Variants in CSMD1 observed in about 807,000 individuals in gnomAD.
CSMD1 encodes the protein CUB and Sushi multiple domains 1, also known as CUB and sushi domain-containing protein 1.
A neutral mutation model predicts 417.5 loss-of-function variants in CSMD1; 213 were observed. The ratio of observed to expected loss-of-function variants is 0.51; its 90% confidence interval spans 0.46 to 0.57. The LOEUF (loss-of-function observed/expected upper bound fraction) is 0.57, where lower values mean the gene tolerates loss of function less well. Ranked by LOEUF, CSMD1 falls within the 20% of genes least tolerant of loss-of-function variation. CSMD1 has a pLI of 0.00. For missense variants in CSMD1, 6,923 were observed against 4,529.7 expected, an observed-to-expected ratio of 1.53 and a Z score of -15.17; for synonymous variants, 2,862 against 1,736.8, an observed-to-expected ratio of 1.65 and a Z score of -16.11.
rs1404819657 is a variant in CSMD1, at chr8:3,387,724, G to C, written c.2594-42C>G. 21 of 1,512,524 alleles carry C rather than the reference G, an allele frequency of 1.4e-5. 1 individual carries two copies. Among genetic ancestry groups the C allele is most frequent in the Non-Finnish European group, 1.9e-5 (21 of 1,116,346 alleles). The allele number at this position is 1,512,524 out of a possible 1,614,324, so 93.7% of individuals were successfully genotyped here. On this transcript the variant is annotated intron_variant, in intron 17 of 69. Coordinates refer to ENST00000635120, the MANE Select transcript of CSMD1 (RefSeq NM_033225.6). ...AATGCAGTCGATGAGGATCTTTCTGGTTGATTGAAAATAATAGAGACCCAC... is the reference window on the plus strand; with the variant it reads ...AATGCAGTCGATGAGGATCTTTCTGCTTGATTGAAAATAATAGAGACCCAC...
rs1443588864 is a variant in CSMD1 at position 2,965,862 on chromosome 8, G to A, written c.9193C>T (p.Pro3065Ser). ...GTGACTGCTTCCATGACATAGCCTG[G>A]GTTACACTGATAGCTCACAGTCTTG... ...FNKTVSYQCN[P>S]GYVMEAVTSA... Residue 3065 changes from proline to serine, a missense_variant, in exon 59 of 70, where the codon CCA (proline) becomes TCA (serine). Physicochemically the swap from Pro to Ser is moderately conservative, Grantham distance 74. Transcript: ENST00000635120. 1.9e-6 allele frequency: 3 copies of A among 1,609,762 alleles called. No individual in the cohort carries two copies. Among genetic ancestry groups the A allele is most frequent in the Non-Finnish European group, 2.5e-6 (3 of 1,178,118 alleles).
intron 49 of CSMD1, among the ~76,000 whole-genome samples, chr8:3,083,530 T>G (rs1814259213): frequency 6.9e-6 from 1 of 144,302 alleles, no homozygotes; most frequent in African/African-American, 2.6e-5. Context: ...GGAAGTCGCT[T>G]AATCTGTTAT....
At chr8:3,239,960 G>A (rs1443225981) in intron 26 of CSMD1, among the ~76,000 whole-genome samples, 8 of 151,614 alleles carry the variant, frequency 5.3e-5, no homozygotes, top group Admixed American at 4.0e-4. Flanking sequence ...TGAAGGAGCC[G>A]GGGAGCAGAA....
chr8:3,809,718 T>C (rs560722141), intron 5 of CSMD1, among the ~76,000 whole-genome samples: 8 of 152,262 alleles, frequency 5.3e-5, no homozygotes, highest in South Asian at 2.1e-4. Context: ...CACGAATCTA[T>C]AGGTCTTCAA....
intron 1 of CSMD1, among the ~76,000 whole-genome samples, chr8:4,697,492 C>G (rs1274610762): frequency 6.6e-6 from 1 of 152,124 alleles, no homozygotes; most frequent in Non-Finnish European, 1.5e-5. Flanking sequence ...ATAACATATT[C>G]CTTTGGCTTT....
In CSMD1 at chr8:3,978,853, C is replaced by T. The variant is rs543478453; in HGVS notation, c.818+19050G>A. 5.3e-5 allele frequency among the ~76,000 whole-genome samples: 8 copies of T among 152,208 alleles called. No homozygotes were observed. The South Asian group carries it at 1.5e-3, about 28-fold the overall frequency. Reference sequence around the variant, plus strand: ...TCGTCTCCTCTTGATCCCTTCCCAGCGCTCCCATTAGGTTTAATGAAAGGA... The same window carrying T: ...TCGTCTCCTCTTGATCCCTTCCCAGTGCTCCCATTAGGTTTAATGAAAGGA... On this transcript the variant is annotated intron_variant, in intron 5 of 69. Coordinates refer to ENST00000635120, the MANE Select transcript of CSMD1 (RefSeq NM_033225.6).
At chr8:3,736,315 C>T (rs1796518329) in intron 6 of CSMD1, among the ~76,000 whole-genome samples, 1 of 152,056 alleles carries the variant, frequency 6.6e-6, no homozygotes, top group Non-Finnish European at 1.5e-5. Context: ...AATCACGACT[C>T]ACTGCAGCCT....
At chr8:4,460,459 A>T (rs569505154) in intron 2 of CSMD1, among the ~76,000 whole-genome samples, 1 of 152,192 alleles carries the variant, frequency 6.6e-6, no homozygotes, top group Admixed American at 6.5e-5. Flanking sequence ...CGGTAAGCAG[A>T]ATAACAAATA....
intron 5 of CSMD1, among the ~76,000 whole-genome samples, chr8:3,955,587 ACC>A (rs2129925418): frequency 6.6e-6 from 1 of 152,268 alleles, no homozygotes; most frequent in African/African-American, 2.4e-5. Context: ...GATTGGTGCT[ACC>A]TGCCCTGCTC....
At chr8:4,846,086 A>G (rs1171977825) in intron 1 of CSMD1, among the ~76,000 whole-genome samples, 2 of 152,212 alleles carry the variant, frequency 1.3e-5, no homozygotes, top group African/African-American at 2.4e-5. Flanking sequence ...CAAATCAAAC[A>G]GTTGCAGGAG....
In CSMD1 at chr8:4,151,850, T is replaced by C. The variant is rs149128453; in HGVS notation, c.416-119751A>G. Among the ~76,000 whole-genome samples, 984 of 152,310 alleles carry C rather than the reference T, an allele frequency of 6.5e-3. 27 individuals carry two copies. Among genetic ancestry groups the C allele is most frequent in the Admixed American group, 0.05 (768 of 15,294 alleles). The stretch of plus-strand genomic sequence containing the variant: ...ATATATAGCATGAATCAATTATATT[T>C]CCATGTACCTTTTCTATTGCAGGCA... On this transcript the variant is annotated intron_variant, in intron 3 of 69. Coordinates refer to ENST00000635120, the MANE Select transcript of CSMD1 (RefSeq NM_033225.6).
At chr8:3,790,424 G>T (rs746342421) in intron 5 of CSMD1, among the ~76,000 whole-genome samples, 3 of 152,148 alleles carry the variant, frequency 2.0e-5, no homozygotes, top group African/African-American at 7.2e-5. Context: ...GGTGATAACA[G>T]TATTATAATG....
At position 4,686,055 on chromosome 8, in the gene CSMD1, T is replaced by G. The variant is rs968250470; in HGVS notation, c.86-48497A>C. ...TATGAAGGGAGGTAATTGGCAGTTT[T>G]ATCTTGTCTTGGATGACTCTGGTTG... On this transcript the variant is annotated intron_variant, in intron 1 of 69. Transcript: ENST00000635120. Among the ~76,000 whole-genome samples, 4 of 152,228 alleles carry G rather than the reference T, an allele frequency of 2.6e-5. No individual in the cohort carries two copies. In the South Asian group the frequency reaches 8.3e-4, roughly 32 times the overall value.
chr8:3,303,130 G>A (rs1804544649), intron 25 of CSMD1, among the ~76,000 whole-genome samples: 1 of 152,186 alleles, frequency 6.6e-6, no homozygotes. Flanking sequence ...GATGTTGATA[G>A]GAATGGAGAA....
chr8:4,250,873 T>C (rs1255968792), intron 3 of CSMD1, among the ~76,000 whole-genome samples: 11 of 152,218 alleles, frequency 7.2e-5, no homozygotes, highest in Admixed American at 5.9e-4. Context: ...AGGGTATTCC[T>C]ACTACCCTGA....
At chr8:4,231,859 A>T (rs1453795225) in intron 3 of CSMD1, among the ~76,000 whole-genome samples, 2 of 152,224 alleles carry the variant, frequency 1.3e-5, no homozygotes, top group Admixed American at 1.3e-4. Context: ...TATATGATAA[A>T]GGATCAAACA....
At chr8:4,032,948 C>T (rs1030156317) in intron 3 of CSMD1, among the ~76,000 whole-genome samples, 1 of 151,986 alleles carries the variant, frequency 6.6e-6, no homozygotes, top group Admixed American at 6.6e-5. Context: ...ACTGATAGAA[C>T]AGGCTCCTCA....
At chr8:3,898,088 A>G (rs1807488026) in intron 5 of CSMD1, among the ~76,000 whole-genome samples, 1 of 152,212 alleles carries the variant, frequency 6.6e-6, no homozygotes, top group Admixed American at 6.5e-5. Flanking sequence ...AATATATTAC[A>G]ATCGCCCTGA....
At chr8:4,630,818 T>G (rs929116658) in intron 2 of CSMD1, among the ~76,000 whole-genome samples, 3 of 152,148 alleles carry the variant, frequency 2.0e-5, no homozygotes, top group Non-Finnish European at 4.4e-5. Context: ...CACCTCTGTG[T>G]GACAAGCTCT....
Sources: allele counts gnomAD v4.1 joint callset (sites outside exome capture counted in the v4.1 genomes callset), GRCh38; gene constraint gnomAD v4.1.1; transcripts MANE v1.5; gene names NCBI Gene and HGNC (gene_info 2026-07-23, HGNC 2026-07-21).